PZP: variants seen among roughly 807,000 people sequenced by gnomAD.
PZP encodes the protein PZP alpha-2-macroglobulin like.
In PZP, 150 loss-of-function variants were observed where a neutral mutation model predicts 179.8. The ratio of observed to expected loss-of-function variants is 0.83; its 90% CI spans 0.73 to 0.96. The LOEUF is 0.96. Ranked by LOEUF, PZP falls within the 40% of genes least tolerant of loss-of-function variation. The pLI is 0.00. For missense variants in PZP, 1,689 were observed against 1,764.0 expected, an observed-to-expected ratio of 0.96 and a Z score of 0.76; for synonymous variants, 624 against 652.3, an observed-to-expected ratio of 0.96 and a Z score of 0.66.
At chr12:9,157,432 T>G in intron 27 of PZP, 77 bp from the exon 28 acceptor site, 1 of 1,343,496 alleles carries the variant, frequency 7.4e-7, no homozygotes, top group East Asian at 2.3e-5. Context: ...ATATTGACAG[T>G]CAGATGTTAT....
chr12:9,207,081 A>C (rs1055771927), intron 1 of PZP, among the ~76,000 whole-genome samples: 1 of 152,210 alleles, frequency 6.6e-6, no homozygotes, highest in African/African-American at 2.4e-5. Flanking sequence ...TGAGGAAAGC[A>C]GGAGACTTAC....
rs527420520 is a variant in PZP, at chr12:9,200,181, TTAAG to T, written c.755+179_755+182del. ...AAAGATGTTTATTGTTAAATCATAA[TTAAG>T]TGTGTTTCTATTCTTTTATGTATTT... On this transcript the variant is annotated intron_variant, in intron 7 of 35. Coordinates refer to ENST00000261336, the MANE Select transcript of PZP (RefSeq NM_002864.3). Among the ~76,000 whole-genome samples, 53 of 152,320 alleles carry T rather than the reference TTAAG, an allele frequency of 3.5e-4. 2 individuals carry two copies. In the South Asian group the frequency reaches 8.9e-3, roughly 26 times the overall value.
chr12:9,185,588 C>T (rs1943047559), intron 13 of PZP, among the ~76,000 whole-genome samples: 1 of 151,896 alleles, frequency 6.6e-6, no homozygotes, highest in Non-Finnish European at 1.5e-5. Flanking sequence ...AAGAGAACCC[C>T]AAAATATACT....
At position 9,153,046 on chromosome 12, in the gene PZP, C is replaced by T. The variant is rs1246886836; in HGVS notation, c.3993+79G>A. On this transcript the variant is annotated intron_variant, in intron 30 of 35. Coordinates refer to ENST00000261336, the MANE Select transcript of PZP (RefSeq NM_002864.3). The stretch of plus-strand genomic sequence containing the variant: ...TCTCCAGAGGTGCCTTTTACTTTCC[C>T]AGGAAGGAAGGAACAGAGTTTCCAT... 1.1e-5 allele frequency: 17 copies of T among 1,604,510 alleles called. No individual in the cohort carries two copies. The East Asian group carries it at 3.3e-4, about 32-fold the overall frequency.
intron 1 of PZP, 83 bp downstream of exon 1, chr12:9,208,176 G>T: frequency 1.0e-6 from 1 of 956,916 alleles, no homozygotes; most frequent in Non-Finnish European, 1.7e-6. Context: ...TGGAAAGGTG[G>T]CATTTACAAA....
chr12:9,178,478 G>A lies in PZP; in HGVS notation c.1839+2505C>T, dbSNP rs184172330. ...GCAATTGGGAGGTGAAAGAGAAGCCGTAAAGTGCTTCCTTTAGGTGAAAAG... is the reference window on the plus strand; with the variant it reads ...GCAATTGGGAGGTGAAAGAGAAGCCATAAAGTGCTTCCTTTAGGTGAAAAG... On this transcript the variant is annotated intron_variant, in intron 15 of 35. Coordinates refer to ENST00000261336, the MANE Select transcript of PZP (RefSeq NM_002864.3). Among the ~76,000 whole-genome samples the A allele has an allele frequency of 2.3e-3, 347 of 152,260 alleles. 4 individuals carry two copies. The highest frequency in any genetic ancestry group is 3.6e-3 in the Non-Finnish European group (245 of 68,024).
intron 15 of PZP, among the ~76,000 whole-genome samples, chr12:9,173,421 A>G (rs1274454852): frequency 6.6e-6 from 1 of 152,220 alleles, no homozygotes; most frequent in Non-Finnish European, 1.5e-5. Context: ...GGACTGTAGA[A>G]CCAAGAGCAT....
At chr12:9,192,075 G>C (rs1443379386) in intron 13 of PZP, 118 bp downstream of exon 13, 1 of 821,572 alleles carries the variant, frequency 1.2e-6, no homozygotes, top group Non-Finnish European at 2.0e-6. Flanking sequence ...GTATTTTCCT[G>C]CGTGTCCTCC....
intron 34 of PZP, among the ~76,000 whole-genome samples, chr12:9,150,227 G>GACTCAAGAAAC (rs1340526557): frequency 9.2e-5 from 14 of 152,104 alleles, no homozygotes; most frequent in African/African-American, 3.4e-4. Flanking sequence ...TTAAGTTTCT[G>GACTCAAGAAAC]ACTCAAGAAA....
chr12:9,176,181 A>G (rs903450375), intron 15 of PZP, among the ~76,000 whole-genome samples: 3 of 152,236 alleles, frequency 2.0e-5, no homozygotes, highest in Non-Finnish European at 4.4e-5. Flanking sequence ...GCTGAAAGCC[A>G]TTATCCTCAG....
chr12:9,169,700 C>A, intron 15 of PZP, 109 bp from the exon 16 acceptor site: 1 of 1,050,870 alleles, frequency 9.5e-7, no homozygotes, highest in South Asian at 2.3e-5. Context: ...TGAGTACGTT[C>A]ATGTAGTTGG....
At chr12:9,201,758 A>G (rs1944172931) in intron 4 of PZP, among the ~76,000 whole-genome samples, 1 of 152,160 alleles carries the variant, frequency 6.6e-6, no homozygotes, top group African/African-American at 2.4e-5. Context: ...ATTTGGTTGA[A>G]AGTAAACCAA....
intron 15 of PZP, among the ~76,000 whole-genome samples, chr12:9,178,357 C>T (rs956611376): frequency 6.6e-6 from 1 of 152,196 alleles, no homozygotes; most frequent in Non-Finnish European, 1.5e-5. Flanking sequence ...ACCCAGAATC[C>T]TCAGTTACAA....
chr12:9,150,525 C>A, intron 34 of PZP, 119 bp downstream of exon 34: 1 of 676,172 alleles, frequency 1.5e-6, no homozygotes. Flanking sequence ...TAGTGTACAT[C>A]TTGGAGGAAA....
rs748617931 is a variant in PZP, at chr12:9,197,135, G to C, written c.756-12C>G. The stretch of plus-strand genomic sequence containing the variant: ...TCCCATAAGTGTATCTGGTACATGA[G>C]AAATAAATCAGGAATTGAGAATGGC... On this transcript the variant is annotated splice_polypyrimidine_tract_variant and intron_variant, in intron 7 of 35. Coordinates refer to ENST00000261336, the MANE Select transcript of PZP (RefSeq NM_002864.3). The C allele has an allele frequency of 6.4e-7, 1 of 1,555,154 alleles. No individual in the cohort carries two copies. The highest frequency in any genetic ancestry group is 8.9e-7 in the Non-Finnish European group (1 of 1,128,802).
In PZP at chr12:9,202,337, A is replaced by C. The variant is rs747376562; in HGVS notation, c.462T>G (p.Phe154Leu). 1 of 1,614,134 alleles carries C rather than the reference A, an allele frequency of 6.2e-7. No individual in the cohort carries two copies. The highest frequency in any genetic ancestry group is 1.7e-5 in the Admixed American group (1 of 60,026). Reference protein sequence around the residue: ...RFRVVSVDENFRPRNELIPLI... With the variant: ...RFRVVSVDENLRPRNELIPLI... ...TGCTTACCAGTTCATTTCGAGGGCG[A>C]AAATTTTCATCCACGGAGACAACAC... The change falls in exon 4 of 36, where the codon TTT (phenylalanine) becomes TTG (leucine). Residue 154 changes from phenylalanine (F) to leucine (L), a missense_variant. Phe to Leu is a conservative substitution (Grantham distance 22). Coordinates refer to ENST00000261336, the MANE Select transcript of PZP (RefSeq NM_002864.3).
chr12:9,171,931 CAGG>C (rs1942033400), intron 15 of PZP, among the ~76,000 whole-genome samples: 1 of 152,122 alleles, frequency 6.6e-6, no homozygotes, highest in Non-Finnish European at 1.5e-5. Flanking sequence ...GGATATCATC[CAGG>C]AGAACTTCCC....
At chr12:9,165,974 G>A (rs1406703652) in intron 18 of PZP, 78 bp downstream of exon 18, 1 of 1,497,092 alleles carries the variant, frequency 6.7e-7, no homozygotes, top group East Asian at 2.3e-5. Context: ...TTTTCAGGAA[G>A]ATTGTCTTAG....
chr12:9,139,957 T>C, the PZP span, among the ~76,000 whole-genome samples: 2 of 152,118 alleles, frequency 1.3e-5, no homozygotes, highest in South Asian at 2.1e-4. Context: ...GAGAAGTTTA[T>C]TGTGGGGTTG....
Sources: allele counts gnomAD v4.1 joint callset (sites outside exome capture counted in the v4.1 genomes callset), GRCh38; gene constraint gnomAD v4.1.1; transcripts MANE v1.5; gene names NCBI Gene and HGNC (gene_info 2026-07-23, HGNC 2026-07-21).